CHRM3: variants seen among roughly 807,000 people sequenced by gnomAD.
The protein encoded by CHRM3 is muscarinic acetylcholine receptor M3.
A neutral mutation model predicts 41.8 loss-of-function variants in CHRM3; 11 were observed. The observed-to-expected ratio is 0.26, with a 90% CI of 0.17 to 0.44. The LOEUF (loss-of-function observed/expected upper bound fraction) is 0.44. Among genes scored for constraint, CHRM3 ranks in the 20% least tolerant of loss-of-function variants. The pLI is 1.00. For missense variants in CHRM3, 571 were observed against 745.4 expected, an observed-to-expected ratio of 0.77 and a Z score of 2.72; for synonymous variants, 297 against 301.4, an observed-to-expected ratio of 0.99 and a Z score of 0.15.
At chr1:239,497,426 C>T (rs1667956458) in intron 2 of CHRM3, among the ~76,000 whole-genome samples, 1 of 152,126 alleles carries the variant, frequency 6.6e-6, no homozygotes, top group Non-Finnish European at 1.5e-5. Context: ...TCATGTCTCT[C>T]TTTGTGCTTC....
intron 5 of CHRM3, among the ~76,000 whole-genome samples, chr1:239,819,655 C>G (rs531329997): frequency 6.6e-6 from 1 of 152,258 alleles, no homozygotes; most frequent in East Asian, 1.9e-4. Context: ...TTGAAATGTT[C>G]ATTAAAGAAG....
At chr1:239,896,029 C>T (rs961173533) in intron 6 of CHRM3, among the ~76,000 whole-genome samples, 5 of 152,154 alleles carry the variant, frequency 3.3e-5, no homozygotes, top group African/African-American at 1.2e-4. Context: ...TAGAGGCAAT[C>T]GTTCTAGGTC....
chr1:239,659,630 G>A (rs1243297505), intron 4 of CHRM3, among the ~76,000 whole-genome samples: 1 of 152,134 alleles, frequency 6.6e-6, no homozygotes, highest in Non-Finnish European at 1.5e-5. Flanking sequence ...AATTTAAATT[G>A]GAAATAGTCA....
At chr1:239,782,195 C>T (rs561793940) in intron 5 of CHRM3, among the ~76,000 whole-genome samples, 2 of 152,084 alleles carry the variant, frequency 1.3e-5, no homozygotes, top group East Asian at 3.9e-4. Context: ...TGTAATTTTT[C>T]TTTAAATATT....
At chr1:239,535,771 A>C (rs1658137710) in intron 2 of CHRM3, among the ~76,000 whole-genome samples, 1 of 152,044 alleles carries the variant, frequency 6.6e-6, no homozygotes, top group Non-Finnish European at 1.5e-5. Context: ...AGGATCAAGG[A>C]GACAACATCA....
intron 4 of CHRM3, among the ~76,000 whole-genome samples, chr1:239,666,452 A>G (rs1238016270): frequency 1.3e-5 from 2 of 151,872 alleles, no homozygotes; most frequent in African/African-American, 2.4e-5. Context: ...TTGGCCTCCC[A>G]AAGTGCTCGG....
intron 6 of CHRM3, among the ~76,000 whole-genome samples, chr1:239,859,884 T>A (rs1675493233): frequency 6.8e-6 from 1 of 146,588 alleles, no homozygotes; most frequent in Non-Finnish European, 1.5e-5. Context: ...ATAGTATTAT[T>A]ATACGTAAAG....
chr1:239,659,778 T>G (rs907950619), intron 4 of CHRM3, among the ~76,000 whole-genome samples: 2 of 152,164 alleles, frequency 1.3e-5, no homozygotes, highest in East Asian at 3.9e-4. Context: ...CCAACATGTA[T>G]AGAGGAGAAG....
chr1:239,595,306 T>G (rs1664661859), intron 3 of CHRM3, among the ~76,000 whole-genome samples: 1 of 152,166 alleles, frequency 6.6e-6, no homozygotes, highest in Admixed American at 6.5e-5. Context: ...GACTTGAGCA[T>G]CCCCAGGTTT....
At chr1:239,529,949 G>C (rs1385306227) in intron 2 of CHRM3, among the ~76,000 whole-genome samples, 1 of 151,974 alleles carries the variant, frequency 6.6e-6, no homozygotes, top group Non-Finnish European at 1.5e-5. Context: ...CCAGGCTGGA[G>C]TGCAGTGGCG....
chr1:239,726,994 A>G (rs953476079), intron 5 of CHRM3, among the ~76,000 whole-genome samples: 3 of 151,934 alleles, frequency 2.0e-5, no homozygotes, highest in African/African-American at 4.8e-5. Context: ...TACTGGGTCC[A>G]CCACTCACTG....
At chr1:239,457,868 A>G (rs1392721364) in intron 1 of CHRM3, among the ~76,000 whole-genome samples, 8 of 152,232 alleles carry the variant, frequency 5.3e-5, no homozygotes, top group Non-Finnish European at 4.4e-5. Flanking sequence ...GATGGACTCA[A>G]ATATGGTTTA....
At chr1:239,437,540 A>C (rs950885376) in intron 1 of CHRM3, among the ~76,000 whole-genome samples, 6 of 151,844 alleles carry the variant, frequency 4.0e-5, no homozygotes, top group East Asian at 1.9e-4. Flanking sequence ...TTTTATTTTT[A>C]TTTTTATTTT....
intron 1 of CHRM3, among the ~76,000 whole-genome samples, chr1:239,389,643 T>C (rs1403748156): frequency 2.0e-5 from 3 of 152,210 alleles, no homozygotes; most frequent in African/African-American, 7.2e-5. Context: ...CACTTGTAAA[T>C]TGAATAGACA....
chr1:239,414,168 G>A (rs1465542837), intron 1 of CHRM3, among the ~76,000 whole-genome samples: 7 of 152,170 alleles, frequency 4.6e-5, no homozygotes, highest in South Asian at 2.1e-4. Flanking sequence ...GGGCTCTGGC[G>A]TGCCTTGTAA....
chr1:239,841,460 G>C (rs967188628), intron 6 of CHRM3, among the ~76,000 whole-genome samples: 1 of 151,968 alleles, frequency 6.6e-6, no homozygotes, highest in African/African-American at 2.4e-5. Flanking sequence ...CTGTCTCTAA[G>C]GAGGAAAAAT....
intron 5 of CHRM3, among the ~76,000 whole-genome samples, chr1:239,715,449 G>A (rs565548894): frequency 9.9e-5 from 15 of 152,234 alleles, no homozygotes; most frequent in Admixed American, 6.5e-4. Context: ...TGACCATGGC[G>A]TAAATACCGT....
At chr1:239,463,010 T>C (rs1665469307) in intron 1 of CHRM3, among the ~76,000 whole-genome samples, 1 of 152,228 alleles carries the variant, frequency 6.6e-6, no homozygotes. Context: ...TTACTTTATG[T>C]AGCTAAAATG....
intron 6 of CHRM3, chr1:239,898,025 T>G (rs907629954): frequency 6.6e-6 from 1 of 152,214 alleles, no homozygotes; most frequent in African/African-American, 2.4e-5. Flanking sequence ...ATTCCCCTTT[T>G]TAAATAGAAT....
Sources: allele counts gnomAD v4.1 joint callset (sites outside exome capture counted in the v4.1 genomes callset), GRCh38; gene constraint gnomAD v4.1.1; transcripts MANE v1.5; gene names NCBI Gene and HGNC (gene_info 2026-07-23, HGNC 2026-07-21).